ERAP1: variants seen among roughly 807,000 people sequenced by gnomAD.
ERAP1 encodes endoplasmic reticulum aminopeptidase 1.
A neutral mutation model predicts 103.7 loss-of-function variants in ERAP1; 86 were observed. The observed-to-expected ratio is 0.83, with a 90% CI of 0.70 to 0.99. The LOEUF is 0.99. Ranked by LOEUF, ERAP1 falls within the 50% of genes least tolerant of loss-of-function variation. ERAP1 has a pLI of 0.00. For missense variants in ERAP1, 1,009 were observed against 1,128.4 expected, an observed-to-expected ratio of 0.89 and a Z score of 1.52; for synonymous variants, 398 against 402.4, an observed-to-expected ratio of 0.99 and a Z score of 0.13.
the ERAP1 span, among the ~76,000 whole-genome samples, chr5:96,850,611 G>A: frequency 6.6e-6 from 1 of 152,126 alleles, no homozygotes; most frequent in African/African-American, 2.4e-5. Context: ...CAAAGATGTG[G>A]AGAAAAGGGA....
At chr5:96,777,641 G>A (rs912665144) in intron 18 of ERAP1, among the ~76,000 whole-genome samples, 32 of 152,090 alleles carry the variant, frequency 2.1e-4, no homozygotes, top group African/African-American at 7.7e-4. Flanking sequence ...TGTTTCATAC[G>A]CTCTCAGAAT....
chr5:96,792,558 T>G (rs1194915886), intron 7 of ERAP1, among the ~76,000 whole-genome samples: 1 of 152,196 alleles, frequency 6.6e-6, no homozygotes, highest in Non-Finnish European at 1.5e-5. Flanking sequence ...AGAGCAAAGA[T>G]ACTTACCTTT....
the ERAP1 span, among the ~76,000 whole-genome samples, chr5:96,931,901 T>C: frequency 6.6e-6 from 1 of 152,214 alleles, no homozygotes; most frequent in Non-Finnish European, 1.5e-5. Flanking sequence ...ATCTTATCAG[T>C]GGACTTGTTA....
At position 96,781,873 on chromosome 5, in the gene ERAP1, T is replaced by A; in HGVS notation, c.2286-19A>T. 6.2e-7 allele frequency: 1 copy of A among 1,612,666 alleles called. No individual in the cohort carries two copies. Among genetic ancestry groups the A allele is most frequent in the Non-Finnish European group, 8.5e-7 (1 of 1,179,784 alleles). ...AGGCAGGCTATAGAAAGGAACACAC[T>A]CGGTGAGAATCTGAGGTGCAGTAAG... is the stretch of plus-strand genomic sequence containing the variant. On this transcript the variant is annotated intron_variant, in intron 15 of 18. Coordinates refer to ENST00000443439, the MANE Select transcript of ERAP1 (RefSeq NM_001040458.3).
the ERAP1 span, among the ~76,000 whole-genome samples, chr5:96,826,317 G>T: frequency 1.3e-5 from 2 of 152,178 alleles, no homozygotes; most frequent in Admixed American, 1.3e-4. Flanking sequence ...TTACAGTGTG[G>T]TTTTAGATGC....
chr5:96,808,773 G>T (rs982934213), upstream of ERAP1, among the ~76,000 whole-genome samples: 1 of 152,150 alleles, frequency 6.6e-6, no homozygotes, highest in Non-Finnish European at 1.5e-5. Flanking sequence ...GCTAAATGAG[G>T]TAACAAGTCA....
the ERAP1 span, among the ~76,000 whole-genome samples, chr5:96,888,850 C>T: frequency 6.6e-6 from 1 of 152,130 alleles, no homozygotes; most frequent in Non-Finnish European, 1.5e-5. Context: ...AGCTAGTTGA[C>T]AAGTGTTAAA....
chr5:96,872,088 G>A, the ERAP1 span, among the ~76,000 whole-genome samples: 1 of 151,966 alleles, frequency 6.6e-6, no homozygotes. Context: ...AAGAACATAG[G>A]CATAACAATA....
the ERAP1 span, chr5:96,880,994 GT>G: frequency 8.3e-4 from 132 of 158,702 alleles, no homozygotes; most frequent in Admixed American, 4.7e-3. Context: ...TGAGAGCTGA[GT>G]TTTTTTTTAA....
At chr5:96,876,777 A>G in the ERAP1 span, among the ~76,000 whole-genome samples, 2 of 151,986 alleles carry the variant, frequency 1.3e-5, no homozygotes, top group African/African-American at 4.8e-5. Flanking sequence ...GTTTGTGACA[A>G]TTCTTGCCTC....
At chr5:96,824,630 T>C in the ERAP1 span, among the ~76,000 whole-genome samples, 5 of 152,220 alleles carry the variant, frequency 3.3e-5, no homozygotes, top group South Asian at 2.1e-4. Flanking sequence ...CTGGAAAACT[T>C]TCCCATCTGC....
the ERAP1 span, among the ~76,000 whole-genome samples, chr5:96,837,328 G>T: frequency 6.6e-6 from 1 of 152,206 alleles, no homozygotes; most frequent in Non-Finnish European, 1.5e-5. Flanking sequence ...GTTTTTCAAA[G>T]TTATTGTACA....
intron 19 of ERAP1, chr5:96,767,523 A>G: frequency 1.3e-6 from 2 of 1,520,558 alleles, no homozygotes; most frequent in Non-Finnish European, 1.8e-6. Context: ...ATTTTGTTTT[A>G]TTCTAGCCAT....
chr5:96,766,983 C>T (rs578093471), intron 19 of ERAP1, among the ~76,000 whole-genome samples: 2 of 152,166 alleles, frequency 1.3e-5, no homozygotes, highest in South Asian at 2.1e-4. Context: ...GAGCCCTTCC[C>T]ACTTTGATAG....
chr5:96,780,343 A>G (rs1406469274), intron 18 of ERAP1, 80 bp downstream of exon 18: 8 of 1,042,398 alleles, frequency 7.7e-6, no homozygotes, highest in African/African-American at 1.6e-5. Context: ...CCACACCCTC[A>G]AAGTATTTTG....
At chr5:96,899,821 GAGA>G in the ERAP1 span, among the ~76,000 whole-genome samples, 1 of 152,168 alleles carries the variant, frequency 6.6e-6, no homozygotes, top group Non-Finnish European at 1.5e-5. Context: ...TTAAGGGAAA[GAGA>G]AGAATTGGAT....
intron 5 of ERAP1, 117 bp from the exon 6 acceptor site, chr5:96,794,074 C>G (rs1302000836): frequency 2.1e-6 from 2 of 969,164 alleles, no homozygotes; most frequent in Non-Finnish European, 1.6e-6. Context: ...TCATGGAGCT[C>G]TAGACTGGAA....
chr5:96,898,565 T>TG, the ERAP1 span, among the ~76,000 whole-genome samples: 2 of 46,576 alleles, frequency 4.3e-5, no homozygotes. Flanking sequence ...CCATCTCTAC[T>TG]AAAATACAAA....
chr5:96,764,797 T>C (rs1426472662), intron 19 of ERAP1, among the ~76,000 whole-genome samples: 4 of 152,172 alleles, frequency 2.6e-5, no homozygotes, highest in Non-Finnish European at 5.9e-5. Flanking sequence ...ACAACATTAG[T>C]AGATGTTTGT....
Sources: allele counts gnomAD v4.1 joint callset (sites outside exome capture counted in the v4.1 genomes callset), GRCh38; gene constraint gnomAD v4.1.1; transcripts MANE v1.5; gene names NCBI Gene and HGNC (gene_info 2026-07-23, HGNC 2026-07-21).